MYBPC2: variants seen among roughly 807,000 people sequenced by gnomAD.
MYBPC2 encodes myosin binding protein C2, also known as myosin-binding protein C, fast-type.
A neutral mutation model predicts 137.0 loss-of-function variants in MYBPC2; 122 were observed. The ratio of observed to expected loss-of-function variants is 0.89; its 90% CI spans 0.77 to 1.03. The LOEUF is 1.03. Ranked by LOEUF, MYBPC2 falls within the 50% of genes least tolerant of loss-of-function variation. MYBPC2 has a pLI of 0.00. For synonymous variants in MYBPC2, 626 were observed against 612.3 expected (o/e 1.02, Z -0.33); for missense variants, 1,500 against 1,534.4 (o/e 0.98, Z 0.37).
Position 50,436,739 on chromosome 19 carries a change from G to A in MYBPC2, c.463+5G>A, listed in dbSNP as rs901944169. 7 of 1,613,256 alleles carry A rather than the reference G, an allele frequency of 4.3e-6. No homozygotes were observed. Among genetic ancestry groups the A allele is most frequent in the East Asian group, 4.5e-5 (2 of 44,870 alleles). On this transcript the variant is annotated splice_donor_5th_base_variant and intron_variant, in intron 5 of 27. Transcript: ENST00000357701. ...GCTTCAACATCGATGTGGAGGGTATGCTGGTGGGGGATGCGGGAGCAAAGG... is the reference window on the plus strand; with the variant it reads ...GCTTCAACATCGATGTGGAGGGTATACTGGTGGGGGATGCGGGAGCAAAGG...
intron 9 of MYBPC2, among the ~76,000 whole-genome samples, chr19:50,442,682 A>T (rs2039767102): frequency 6.6e-6 from 1 of 151,884 alleles, no homozygotes; most frequent in Non-Finnish European, 1.5e-5. Context: ...CGGTGAGCTG[A>T]GATCTCGCCA....
intron 9 of MYBPC2, 31 bp downstream of exon 9, chr19:50,442,344 G>T: frequency 6.2e-7 from 1 of 1,601,548 alleles, no homozygotes; most frequent in East Asian, 2.3e-5. Context: ...CCCTGCACCG[G>T]GGAGATCCCC....
chr19:50,449,033 C>T (rs1429099005), intron 13 of MYBPC2, among the ~76,000 whole-genome samples: 1 of 151,978 alleles, frequency 6.6e-6, no homozygotes, highest in Non-Finnish European at 1.5e-5. Context: ...CCTGTCCTGT[C>T]CCCAAACTTA....
chr19:50,460,721 C>T (rs2039964285), intron 24 of MYBPC2, among the ~76,000 whole-genome samples: 1 of 152,168 alleles, frequency 6.6e-6, no homozygotes, highest in South Asian at 2.1e-4. Flanking sequence ...TTTTTTGAGA[C>T]AGGGTCTTAC....
At chr19:50,460,246 C>G (rs922991189) in intron 24 of MYBPC2, 67 bp downstream of exon 24, 4 of 1,514,584 alleles carry the variant, frequency 2.6e-6, no homozygotes, top group African/African-American at 1.4e-5. Context: ...AGATGTCCCC[C>G]GTTCACAGCT....
At chr19:50,456,098 A>G (rs1167986855) in intron 20 of MYBPC2, among the ~76,000 whole-genome samples, 1 of 144,838 alleles carries the variant, frequency 6.9e-6, no homozygotes, top group Non-Finnish European at 1.5e-5. Context: ...CCATCCATCC[A>G]TCCATCCATC....
intron 12 of MYBPC2, among the ~76,000 whole-genome samples, chr19:50,447,836 G>A (rs148608213): frequency 6.6e-4 from 100 of 151,828 alleles, no homozygotes; most frequent in African/African-American, 2.1e-3. Context: ...CAGCCTGGGC[G>A]ACAAGAGTGA....
intron 18 of MYBPC2, among the ~76,000 whole-genome samples, chr19:50,454,729 C>T (rs542618261): frequency 2.0e-5 from 3 of 152,108 alleles, no homozygotes; most frequent in Admixed American, 1.3e-4. Flanking sequence ...CCAGCCTCTG[C>T]CTTCTCCTTG....
Position 50,442,287 on chromosome 19 carries a change from C to T in MYBPC2, c.876C>T (p.Asn292=), listed in dbSNP as rs759118180. ...DPDLTLKWFK[N]GQEIKPSSKY... is the part of the protein sequence containing the mutation. ...ACCTGACCCTCAAGTGGTTCAAGAA[C>T]GGCCAGGAGATCAAACCAAGCAGCA... Residue 292 remains asparagine (N), a synonymous_variant, in exon 9 of 28, where the codon AAC becomes AAT. Transcript: ENST00000357701. 2.0e-5 allele frequency: 32 copies of T among 1,608,226 alleles called. No individual in the cohort carries two copies. The highest frequency in any genetic ancestry group is 1.6e-4 in the Middle Eastern group (1 of 6,082).
chr19:50,440,481 T>C (rs1055116944), intron 7 of MYBPC2, among the ~76,000 whole-genome samples: 1 of 151,590 alleles, frequency 6.6e-6, no homozygotes, highest in Non-Finnish European at 1.5e-5. Context: ...CTGTCCAACA[T>C]GGCAAAACCC....
chr19:50,451,377 A>G, intron 15 of MYBPC2, 68 bp downstream of exon 15: 1 of 1,339,362 alleles, frequency 7.5e-7, no homozygotes, highest in Non-Finnish European at 1.0e-6. Context: ...GAGGAGGGGA[A>G]TGGCCGAGGG....
At chr19:50,436,207 G>C (rs760143136) in intron 4 of MYBPC2, 47 bp downstream of exon 4, 154 of 1,551,466 alleles carry the variant, frequency 9.9e-5, no homozygotes, top group Non-Finnish European at 1.2e-4. Flanking sequence ...AGTGGAGCTT[G>C]TGCAGGACAT....
intron 20 of MYBPC2, 99 bp downstream of exon 20, chr19:50,455,743 G>A: frequency 1.3e-6 from 2 of 1,496,602 alleles, no homozygotes; most frequent in East Asian, 2.3e-5. Flanking sequence ...AGAGATGGGT[G>A]CAGTGGCCTG....
At position 50,435,151 on chromosome 19, in the gene MYBPC2, T is replaced by C; in HGVS notation, c.20-10T>C. On this transcript the variant is annotated splice_polypyrimidine_tract_variant and intron_variant, in intron 1 of 27. Coordinates refer to ENST00000357701, the MANE Select transcript of MYBPC2 (RefSeq NM_004533.4). The surrounding 1 kb of genome is among the most constrained non-coding windows in gnomAD (Gnocchi z 4.8). ...CGCATGCTCAACTATGACTGTCCCC[T>C]ACCTTACAGCGGCCAAAAAGGCCCC... The C allele has an allele frequency of 7.8e-7, 1 of 1,275,542 alleles. No individual in the cohort carries two copies. Among genetic ancestry groups the C allele is most frequent in the Non-Finnish European group, 1.1e-6 (1 of 878,674 alleles). The allele number at this position is 1,275,542 out of a possible 1,614,324, so 79.0% of individuals were successfully genotyped here.
chr19:50,453,595 C>T (rs2039880330), intron 16 of MYBPC2, among the ~76,000 whole-genome samples: 1 of 151,726 alleles, frequency 6.6e-6, no homozygotes, highest in African/African-American at 2.4e-5. Context: ...GGCTGGAGTG[C>T]AGTGGTGTTA....
At chr19:50,452,544 C>G (rs866017918) in intron 16 of MYBPC2, among the ~76,000 whole-genome samples, 2 of 146,508 alleles carry the variant, frequency 1.4e-5, no homozygotes, top group Non-Finnish European at 1.5e-5. Context: ...ATCTATGTAT[C>G]TATCTATCTA....
In MYBPC2 at chr19:50,454,196, G is replaced by A. The variant is rs1199966164; in HGVS notation, c.1909+17G>A. The A allele has an allele frequency of 2.2e-5, 36 of 1,613,732 alleles. No homozygotes were observed. The highest frequency in any genetic ancestry group is 2.8e-5 in the Non-Finnish European group (33 of 1,179,842). ...AAGTTGTAGGTGAGCAGAGAAAGCC[G>A]AGGTGGCTGGGCCAAGGGGTGACTC... On this transcript the variant is annotated intron_variant, in intron 17 of 27. Transcript: ENST00000357701.
At chr19:50,461,506 C>G in intron 24 of MYBPC2, 36 bp from the exon 25 acceptor site, 1 of 1,603,250 alleles carries the variant, frequency 6.2e-7, no homozygotes, top group Non-Finnish European at 8.5e-7. Flanking sequence ...ATCCTGTGGC[C>G]CCGACCCGCC....
At position 50,443,702 on chromosome 19, in the gene MYBPC2, G is replaced by A; in HGVS notation, c.1028-9G>A. On this transcript the variant is annotated splice_polypyrimidine_tract_variant and intron_variant, in intron 10 of 27. Coordinates refer to ENST00000357701, the MANE Select transcript of MYBPC2 (RefSeq NM_004533.4). The stretch of plus-strand genomic sequence containing the variant: ...GAAACGACTGACCTCCTGTCCCCCT[G>A]CCCCACAGAACCTCCAGTCCTAATT... 6.2e-7 allele frequency: 1 copy of A among 1,612,726 alleles called. No individual in the cohort carries two copies. The highest frequency in any genetic ancestry group is 1.1e-5 in the South Asian group (1 of 91,030).
Sources: gnomAD v4.1 joint callset for allele counts (sites outside exome capture counted in the v4.1 genomes callset) on GRCh38, gnomAD v4.1.1 for gene constraint, Gnocchi (gnomAD v3.1) non-coding constraint, MANE v1.5 for transcripts, NCBI Gene and HGNC (gene_info 2026-07-23, HGNC 2026-07-21) for gene names.